The following CSMD3 variants were observed in gnomAD, a reference collection of about 807,000 sequenced individuals.
CSMD3 encodes CUB and Sushi multiple domains 3.
Under a neutral mutation model 435.2 loss-of-function variants are expected in CSMD3, and 177 were observed. The observed-to-expected ratio is 0.41, with a 90% CI of 0.36 to 0.46. The LOEUF (loss-of-function observed/expected upper bound fraction) is 0.46, where lower values mean the gene tolerates loss of function less well. CSMD3 is among the 20% of genes least tolerant of loss of function. CSMD3 has a pLI of 0.34. For missense variants in CSMD3, 4,265 were observed against 4,504.6 expected, an observed-to-expected ratio of 0.95 and a Z score of 1.52; for synonymous variants, 1,656 against 1,520.5, an observed-to-expected ratio of 1.09 and a Z score of -2.07.
Position 112,799,247 on chromosome 8 carries a change from T to C in CSMD3, c.1972+915A>G, listed in dbSNP as rs900530250. 1.5e-4 allele frequency among the ~76,000 whole-genome samples: 16 copies of C among 107,444 alleles called. No individual in the cohort carries two copies. The Middle Eastern group carries it at 0.012, about 81-fold the overall frequency. The allele number at this position is 107,444 out of a possible 152,430, so 70.5% of individuals were successfully genotyped here. On this transcript the variant is annotated intron_variant, in intron 13 of 70. Transcript: ENST00000297405. The stretch of plus-strand genomic sequence containing the variant: ...ACAGAATGAATGTGTTCTGTCTCTC[T>C]GACAACATCATGCATTCATTTTCAT...
intron 65 of CSMD3, among the ~76,000 whole-genome samples, chr8:112,243,693 G>A (rs1037002368): frequency 1.2e-4 from 19 of 152,058 alleles, no homozygotes; most frequent in South Asian, 6.2e-4. Flanking sequence ...GCAATTCTCC[G>A]TACTCTAATG....
At chr8:112,800,688 A>G (rs1392898097) in intron 12 of CSMD3, among the ~76,000 whole-genome samples, 1 of 152,046 alleles carries the variant, frequency 6.6e-6, no homozygotes, top group African/African-American at 2.4e-5. Context: ...TCTGTGCAAA[A>G]CAATAAAGTG....
rs1208511274 is a variant in CSMD3 at position 112,778,534 on chromosome 8, T to C, written c.1972+21628A>G. On this transcript the variant is annotated intron_variant, in intron 13 of 70. Coordinates refer to ENST00000297405, the MANE Select transcript of CSMD3 (RefSeq NM_198123.2). ...AGTATCCTCCATGTCTTTTCATGGC[T>C]TGATAGATCATTTCTTTTTAGCGCC... Among the ~76,000 whole-genome samples, 3 of 152,088 alleles carry C rather than the reference T, an allele frequency of 2.0e-5. No individual in the cohort carries two copies. In the East Asian group the frequency reaches 5.8e-4, roughly 30 times the overall value.
At chr8:113,327,915 T>G (rs1272852877) in intron 1 of CSMD3, among the ~76,000 whole-genome samples, 1 of 152,152 alleles carries the variant, frequency 6.6e-6, no homozygotes, top group Non-Finnish European at 1.5e-5. Flanking sequence ...CTCTACCATA[T>G]TCACAAGGTT....
At chr8:112,702,179 A>G (rs375457070) in intron 13 of CSMD3, among the ~76,000 whole-genome samples, 2 of 152,218 alleles carry the variant, frequency 1.3e-5, no homozygotes, top group East Asian at 3.9e-4. Flanking sequence ...ACACAGCCCT[A>G]TGAGGACCCC....
At chr8:113,219,455 G>A (rs2092942792) in intron 3 of CSMD3, among the ~76,000 whole-genome samples, 1 of 151,104 alleles carries the variant, frequency 6.6e-6, no homozygotes, top group Non-Finnish European at 1.5e-5. Context: ...TAAACACTGA[G>A]AAATCTCATA....
intron 4 of CSMD3, among the ~76,000 whole-genome samples, chr8:113,138,282 A>C (rs1484680553): frequency 6.6e-6 from 1 of 151,474 alleles, no homozygotes; most frequent in Non-Finnish European, 1.5e-5. Flanking sequence ...TTTGAGGGTC[A>C]GTGTCACTAG....
At chr8:113,059,223 T>C (rs1183477010) in intron 5 of CSMD3, among the ~76,000 whole-genome samples, 1 of 152,136 alleles carries the variant, frequency 6.6e-6, no homozygotes, top group Non-Finnish European at 1.5e-5. Context: ...AGTTAGATTA[T>C]ATAACCCAAA....
chr8:112,506,545 G>T, intron 29 of CSMD3, 146 bp downstream of exon 29: 1 of 745,752 alleles, frequency 1.3e-6, no homozygotes, highest in Non-Finnish European at 2.2e-6. Context: ...CAGTGGCAAA[G>T]CTAGAACAAC....
chr8:112,826,377 G>A (rs1041712355), intron 12 of CSMD3, among the ~76,000 whole-genome samples: 4 of 152,230 alleles, frequency 2.6e-5, no homozygotes, highest in South Asian at 2.1e-4. Context: ...CTGAGAGCTC[G>A]GCAGGCTTAA....
chr8:112,494,459 CTCCTTTCTCTT>C (rs1244257792), intron 30 of CSMD3, among the ~76,000 whole-genome samples: 2,353 of 107,440 alleles, frequency 0.022, 97 homozygotes, highest in Middle Eastern at 0.12. Context: ...GTTTCTTTCT[CTCCTTTCTCTT>C]TCTTTTCTTT....
intron 22 of CSMD3, among the ~76,000 whole-genome samples, chr8:112,626,547 T>TAAA (rs370142880): frequency 3.9e-5 from 6 of 151,918 alleles, no homozygotes; most frequent in South Asian, 4.1e-4. Flanking sequence ...ATTTTATTTT[T>TAAA]AAAAAATGGA....
chr8:112,670,463 G>C (rs1488227150), intron 16 of CSMD3, among the ~76,000 whole-genome samples: 2 of 152,152 alleles, frequency 1.3e-5, no homozygotes, highest in Non-Finnish European at 2.9e-5. Flanking sequence ...ATGTAAAATG[G>C]ATTGCAGCAG....
chr8:113,280,633 AT>A lies in CSMD3; in HGVS notation c.402-1930del, dbSNP rs572959582. The stretch of plus-strand genomic sequence containing the variant: ...CTTTTTGTTTCATTTATCTTTTGTA[AT>A]TTTTTTTGTTTCAATTTCATTTGGT... On this transcript the variant is annotated intron_variant, in intron 2 of 70. Transcript: ENST00000297405. Among the ~76,000 whole-genome samples, 5 of 150,498 alleles carry A rather than the reference AT, an allele frequency of 3.3e-5. No homozygotes were observed. In the South Asian group the frequency reaches 6.3e-4, roughly 19 times the overall value.
At chr8:112,652,782 G>A (rs939704868) in intron 18 of CSMD3, among the ~76,000 whole-genome samples, 17 of 152,134 alleles carry the variant, frequency 1.1e-4, no homozygotes, top group African/African-American at 4.1e-4. Context: ...AGTCATTACT[G>A]AATACTAAAA....
At chr8:113,115,752 T>C (rs183339655) in intron 4 of CSMD3, among the ~76,000 whole-genome samples, 20 of 152,318 alleles carry the variant, frequency 1.3e-4, no homozygotes, top group Admixed American at 9.8e-4. Flanking sequence ...GCTACAGATG[T>C]GAGTAAATGT....
chr8:113,294,909 A>T (rs984406776), intron 2 of CSMD3, among the ~76,000 whole-genome samples: 3 of 152,170 alleles, frequency 2.0e-5, no homozygotes, highest in Admixed American at 6.5e-5. Flanking sequence ...CTCACTAATG[A>T]TTATGTAAAA....
intron 13 of CSMD3, among the ~76,000 whole-genome samples, chr8:112,715,947 GA>G (rs1420758643): frequency 6.6e-6 from 1 of 152,256 alleles, no homozygotes; most frequent in East Asian, 1.9e-4. Context: ...AGCTGTTTAT[GA>G]AAAACCCACA....
intron 12 of CSMD3, among the ~76,000 whole-genome samples, chr8:112,828,898 G>A (rs2079779343): frequency 6.6e-6 from 1 of 152,082 alleles, no homozygotes; most frequent in African/African-American, 2.4e-5. Flanking sequence ...ACACTAAAGA[G>A]CAGTAATATT....
Sources: gnomAD v4.1 joint callset for allele counts (sites outside exome capture counted in the v4.1 genomes callset) on GRCh38, gnomAD v4.1.1 for gene constraint, MANE v1.5 for transcripts, NCBI Gene and HGNC (gene_info 2026-07-23, HGNC 2026-07-21) for gene names.